Variants in AOPEP observed in about 807,000 individuals in gnomAD.
AOPEP encodes aminopeptidase O (putative).
A neutral mutation model predicts 98.1 loss-of-function variants in AOPEP; 77 were observed. The ratio of observed to expected loss-of-function variants is 0.78; its 90% CI spans 0.65 to 0.95. The LOEUF (loss-of-function observed/expected upper bound fraction) is 0.95. Ranked by LOEUF, AOPEP falls within the 40% of genes least tolerant of loss-of-function variation. The pLI, the probability that AOPEP is intolerant of heterozygous loss-of-function variation, is 0.00. For missense variants in AOPEP, 1,024 were observed against 1,024.7 expected, an observed-to-expected ratio of 1.00 and a Z score of 0.01; for synonymous variants, 346 against 365.3, an observed-to-expected ratio of 0.95 and a Z score of 0.60.
intron 5 of AOPEP, among the ~76,000 whole-genome samples, chr9:94,835,827 T>C (rs1162090546): frequency 6.6e-6 from 1 of 152,218 alleles, no homozygotes; most frequent in Non-Finnish European, 1.5e-5. Flanking sequence ...CAGTGTCTCT[T>C]CCAGACCATG....
At position 94,801,035 on chromosome 9, in the gene AOPEP, T is replaced by G. The variant is rs372583829; in HGVS notation, c.1364+33T>G. The stretch of plus-strand genomic sequence containing the variant: ...GTTCCATTGTGGCACTTGGGGTACA[T>G]ACATTTTGGAAATTCTTTGACTATG... On this transcript the variant is annotated intron_variant, in intron 5 of 16. Transcript: ENST00000375315. 592 of 1,609,724 alleles carry G rather than the reference T, an allele frequency of 3.7e-4. 1 individual carries two copies. The highest frequency in any genetic ancestry group is 2.2e-3 in the South Asian group (203 of 91,020).
chr9:94,815,815 C>G (rs952792421), intron 5 of AOPEP, among the ~76,000 whole-genome samples: 15 of 152,176 alleles, frequency 9.9e-5, no homozygotes, highest in African/African-American at 3.4e-4. Context: ...GGCCTGCCAT[C>G]TATCCCATTG....
intron 11 of AOPEP, among the ~76,000 whole-genome samples, chr9:94,988,045 G>A (rs989658329): frequency 2.6e-5 from 4 of 152,186 alleles, no homozygotes; most frequent in African/African-American, 9.7e-5. Context: ...CTAGTGGAGG[G>A]TGTGGAACAG....
chr9:95,077,777 G>A lies in AOPEP; in HGVS notation c.2233-2917G>A, dbSNP rs557603677. On this transcript the variant is annotated intron_variant, in intron 14 of 16. Transcript: ENST00000375315. ...CCTTTGGAAATACTGCTGGGCTTAAGTGAGACTGATGTCATCCCCACTCCC... is the reference window on the plus strand; with the variant it reads ...CCTTTGGAAATACTGCTGGGCTTAAATGAGACTGATGTCATCCCCACTCCC... Among the ~76,000 whole-genome samples the A allele has an allele frequency of 5.3e-5, 8 of 152,336 alleles. No homozygotes were observed. The East Asian group carries it at 1.5e-3, about 29-fold the overall frequency.
chr9:95,036,530 T>G (rs1232587787), intron 13 of AOPEP, among the ~76,000 whole-genome samples: 2 of 152,164 alleles, frequency 1.3e-5, no homozygotes, highest in Non-Finnish European at 2.9e-5. Flanking sequence ...TTAATTATCT[T>G]CAAATATCTG....
chr9:95,018,343 C>T (rs550187975), intron 13 of AOPEP, among the ~76,000 whole-genome samples: 23 of 152,174 alleles, frequency 1.5e-4, no homozygotes, highest in Non-Finnish European at 2.9e-4. Context: ...GGTGTTCAAA[C>T]GTGCTTTTTT....
At chr9:94,757,852 A>G (rs1267560994) in intron 1 of AOPEP, among the ~76,000 whole-genome samples, 1 of 152,166 alleles carries the variant, frequency 6.6e-6, no homozygotes, top group African/African-American at 2.4e-5. Context: ...CACCATCAGA[A>G]TGAAGTTTTA....
intron 7 of AOPEP, among the ~76,000 whole-genome samples, chr9:94,937,028 G>A (rs1263535839): frequency 6.6e-6 from 1 of 152,196 alleles, no homozygotes; most frequent in African/African-American, 2.4e-5. Flanking sequence ...GGGGTTTATG[G>A]AGGCTTCGTT....
chr9:95,053,651 TACA>T (rs1377609826), intron 13 of AOPEP, among the ~76,000 whole-genome samples: 4 of 152,234 alleles, frequency 2.6e-5, no homozygotes, highest in East Asian at 1.9e-4. Flanking sequence ...TCAAGATAAA[TACA>T]ACAAGTATAT....
intron 2 of AOPEP, among the ~76,000 whole-genome samples, chr9:94,768,529 A>G (rs890320662): frequency 6.6e-6 from 1 of 152,222 alleles, no homozygotes; most frequent in African/African-American, 2.4e-5. Flanking sequence ...AGGCAGAGTT[A>G]GTATGTCTCA....
At chr9:95,139,994 C>T in the AOPEP span, among the ~76,000 whole-genome samples, 34 of 151,786 alleles carry the variant, frequency 2.2e-4, no homozygotes, top group Non-Finnish European at 4.1e-4. Context: ...TTTTTCTTCT[C>T]TATAATGGTT....
At chr9:95,025,265 C>T (rs768272765) in intron 13 of AOPEP, among the ~76,000 whole-genome samples, 3 of 152,172 alleles carry the variant, frequency 2.0e-5, no homozygotes, top group Non-Finnish European at 4.4e-5. Context: ...TTCCTTCTCC[C>T]GTGATCCATT....
chr9:95,144,716 T>C, the AOPEP span, among the ~76,000 whole-genome samples: 1 of 152,206 alleles, frequency 6.6e-6, no homozygotes, highest in African/African-American at 2.4e-5. Flanking sequence ...AAGAGCATTT[T>C]AGTTAAATAT....
At chr9:94,759,456 T>C (rs1386790089) in intron 1 of AOPEP, among the ~76,000 whole-genome samples, 193 bp from the exon 2 acceptor site, 2 of 152,278 alleles carry the variant, frequency 1.3e-5, no homozygotes, top group East Asian at 3.9e-4. Flanking sequence ...AGTTGGTAAT[T>C]GAAATATTTT....
intron 14 of AOPEP, among the ~76,000 whole-genome samples, chr9:95,062,295 C>T (rs2067389971): frequency 6.6e-6 from 1 of 152,104 alleles, no homozygotes; most frequent in African/African-American, 2.4e-5. Context: ...CTGGTGGGGG[C>T]AGATTTCTTT....
At chr9:94,994,002 C>G (rs2061061783) in intron 11 of AOPEP, among the ~76,000 whole-genome samples, 1 of 152,184 alleles carries the variant, frequency 6.6e-6, no homozygotes, top group Non-Finnish European at 1.5e-5. Context: ...CAAGCGCTTC[C>G]TCTTGTTTTT....
intron 3 of AOPEP, among the ~76,000 whole-genome samples, chr9:94,785,028 G>T (rs1193557546): frequency 6.6e-6 from 1 of 152,174 alleles, no homozygotes; most frequent in East Asian, 1.9e-4. Flanking sequence ...CCGCCTCCCG[G>T]GGTTCAAGTG....
chr9:95,135,267 C>T, the AOPEP span: 41 of 1,400,954 alleles, frequency 2.9e-5, no homozygotes, highest in East Asian at 3.6e-4. Flanking sequence ...ACATCCCCCC[C>T]TTTCATTCTC....
chr9:94,781,478 C>T (rs1227939691), intron 3 of AOPEP, among the ~76,000 whole-genome samples: 8 of 151,322 alleles, frequency 5.3e-5, no homozygotes, highest in African/African-American at 1.7e-4. Context: ...GCCTTTTTTC[C>T]AGCCTCAATA....
Sources: gnomAD v4.1 joint callset for allele counts (sites outside exome capture counted in the v4.1 genomes callset) on GRCh38, gnomAD v4.1.1 for gene constraint, MANE v1.5 for transcripts, NCBI Gene and HGNC (gene_info 2026-07-23, HGNC 2026-07-21) for gene names.